Variants in VPS13D observed in about 807,000 individuals in gnomAD.
VPS13D encodes intermembrane lipid transfer protein VPS13D.
VPS13D carries 187 observed loss-of-function variants against 461.9 expected under a neutral mutation model. That is an observed-to-expected ratio of 0.40 (90% CI 0.36 to 0.46). The LOEUF (loss-of-function observed/expected upper bound fraction) is 0.46, where lower values mean the gene tolerates loss of function less well. Ranked by LOEUF, VPS13D falls within the 20% of genes least tolerant of loss-of-function variation. VPS13D has a pLI of 0.60. For synonymous variants in VPS13D, 1,951 were observed against 1,986.3 expected, an observed-to-expected ratio of 0.98 and a Z score of 0.47; for missense variants, 4,711 against 5,364.9, an observed-to-expected ratio of 0.88 and a Z score of 3.81.
At position 12,314,181 on chromosome 1, in the gene VPS13D, G is replaced by C; in HGVS notation, c.7002G>C (p.Leu2334Phe). The C allele has an allele frequency of 6.2e-7, 1 of 1,614,166 alleles. No individual in the cohort carries two copies. Among genetic ancestry groups the C allele is most frequent in the Non-Finnish European group, 8.5e-7 (1 of 1,180,026 alleles). Residue 2334 changes from leucine (L) to phenylalanine (F), a missense_variant, in exon 30 of 70, where the codon TTG becomes TTC. This residue lies in a region of VPS13D where 4,411 missense variants were observed against 4,937.8 expected (regional missense o/e 0.89). Transcript: ENST00000620676. ...CCAACCAAACCAAGTCCATTAACTTGGTTTCCCATTCCATGATGGCTTTTG... is the reference window on the plus strand; with the variant it reads ...CCAACCAAACCAAGTCCATTAACTTCGTTTCCCATTCCATGATGGCTTTTG... ...SFSNQTKSIN[L>F]VSHSMMAFDT... is the part of the protein sequence containing the mutation.
At chr1:12,353,417 C>G (rs1280917253) in intron 46 of VPS13D, among the ~76,000 whole-genome samples, 1 of 151,122 alleles carries the variant, frequency 6.6e-6, no homozygotes, top group Non-Finnish European at 1.5e-5. Flanking sequence ...CCTGTAGTCC[C>G]AGCTACTCGG....
In VPS13D at chr1:12,423,666, A is replaced by G. The variant is rs1644889552; in HGVS notation, c.12333+6839A>G. Among the ~76,000 whole-genome samples, 3 of 152,200 alleles carry G rather than the reference A, an allele frequency of 2.0e-5. No homozygotes were observed. In the South Asian group the frequency reaches 6.2e-4, roughly 32 times the overall value. On this transcript the variant is annotated intron_variant, in intron 65 of 69. Coordinates refer to ENST00000620676, the MANE Select transcript of VPS13D (RefSeq NM_015378.4). ...TTTCACCAGCCCTTTGTCCCAGGAC[A>G]CCAGATTTGGTGCCTAGCCATGATC...
intron 5 of VPS13D, 31 bp from the exon 6 acceptor site, chr1:12,249,192 A>G: frequency 1.3e-6 from 2 of 1,529,184 alleles, no homozygotes; most frequent in Non-Finnish European, 9.0e-7. Context: ...CTGCAGGTGC[A>G]TCAGCTGCTT....
In VPS13D at chr1:12,319,599, G is replaced by A. The variant is rs137928452; in HGVS notation, c.7517G>A (p.Arg2506His). Residue 2506 changes from arginine to histidine, a missense_variant, in exon 32 of 70, where the codon CGC (arginine) becomes CAC (histidine). Physicochemically the swap from Arg to His is conservative, Grantham distance 29 (BLOSUM62 0). Coordinates refer to ENST00000620676, the MANE Select transcript of VPS13D (RefSeq NM_015378.4). ...ACCTATAAGCCCCGGTTTGTTGATCGCCCCTTTTCAGGAAGTTTGTTTGGC... is the reference window on the plus strand; with the variant it reads ...ACCTATAAGCCCCGGTTTGTTGATCACCCCTTTTCAGGAAGTTTGTTTGGC... ...VLTYKPRFVD[R>H]PFSGSLFGIE... The A allele has an allele frequency of 3.2e-5, 52 of 1,614,158 alleles. No homozygotes were observed. The African/African-American group carries it at 4.7e-4, about 14-fold the overall frequency.
intron 67 of VPS13D, among the ~76,000 whole-genome samples, chr1:12,481,588 A>G (rs1352233078): frequency 6.6e-6 from 1 of 152,162 alleles, no homozygotes; most frequent in African/African-American, 2.4e-5. Flanking sequence ...AATGCACCTG[A>G]GGTGACCCCA....
At chr1:12,333,101 A>G (rs1643371196) in intron 37 of VPS13D, 125 bp from the exon 38 acceptor site, 6 of 1,173,836 alleles carry the variant, frequency 5.1e-6, no homozygotes, top group East Asian at 2.4e-5. Context: ...TTTTGTTGTG[A>G]AATTGAATTG....
intron 67 of VPS13D, among the ~76,000 whole-genome samples, chr1:12,480,540 C>T (rs1267986228): frequency 2.6e-5 from 4 of 152,164 alleles, no homozygotes; most frequent in African/African-American, 7.2e-5. Context: ...AGCTAACTTA[C>T]GATCTGGACT....
At chr1:12,441,274 A>C (rs918738004) in intron 65 of VPS13D, among the ~76,000 whole-genome samples, 10 of 152,148 alleles carry the variant, frequency 6.6e-5, no homozygotes, top group African/African-American at 2.4e-4. Context: ...CATTTGTATG[A>C]AATGGGGATG....
intron 59 of VPS13D, among the ~76,000 whole-genome samples, chr1:12,385,982 A>G (rs1183636871): frequency 2.6e-5 from 4 of 152,178 alleles, no homozygotes; most frequent in African/African-American, 9.7e-5. Flanking sequence ...GTTGGGGTGA[A>G]GGGTATGCCT....
At chr1:12,377,938 C>T (rs755763263) in intron 55 of VPS13D, among the ~76,000 whole-genome samples, 1 of 151,814 alleles carries the variant, frequency 6.6e-6, no homozygotes, top group Admixed American at 6.6e-5. Context: ...CAATATAGTA[C>T]GCTTTCCTTA....
At chr1:12,481,414 T>C (rs1484564606) in intron 67 of VPS13D, among the ~76,000 whole-genome samples, 1 of 152,168 alleles carries the variant, frequency 6.6e-6, no homozygotes, top group Non-Finnish European at 1.5e-5. Flanking sequence ...TTCTAACACA[T>C]TTTATATATA....
At chr1:12,391,987 A>G (rs758867993) in intron 60 of VPS13D, among the ~76,000 whole-genome samples, 8 of 151,988 alleles carry the variant, frequency 5.3e-5, no homozygotes, top group South Asian at 4.2e-4. Context: ...CAGCCTCCCA[A>G]GTAGCTGAGA....
chr1:12,493,283 C>A (rs1645910663), intron 67 of VPS13D, among the ~76,000 whole-genome samples: 2 of 151,250 alleles, frequency 1.3e-5, no homozygotes, highest in Admixed American at 1.3e-4. Flanking sequence ...GGTCAGGAGA[C>A]CATCGTGGCT....
intron 52 of VPS13D, among the ~76,000 whole-genome samples, chr1:12,366,834 A>G (rs1212907631): frequency 6.6e-6 from 1 of 152,238 alleles, no homozygotes; most frequent in African/African-American, 2.4e-5. Context: ...CTTCACATAC[A>G]TGAACACACA....
At position 12,266,936 on chromosome 1, in the gene VPS13D, C is replaced by A. The variant is rs1641290275; in HGVS notation, c.1650C>A (p.Val550=). The change falls in exon 14 of 70, where the codon GTC becomes GTA. Residue 550 remains valine (V), a synonymous_variant. Transcript: ENST00000620676. ...GAAGAAATTCCTCGTTGCTTTCAGT[C>A]CGGTTGGGTGGACTGTTTCTTCGAG... ...LPRRNSSLLS[V]RLGGLFLRDL... The A allele has an allele frequency of 1.9e-6, 3 of 1,609,688 alleles. No homozygotes were observed. Among genetic ancestry groups the A allele is most frequent in the Non-Finnish European group, 2.5e-6 (3 of 1,178,782 alleles).
In VPS13D at chr1:12,314,212, C is replaced by T. The variant is rs1642832127; in HGVS notation, c.7033C>T (p.Arg2345Cys). Reference sequence around the variant, plus strand: ...CCATTCCATGATGGCTTTTGACACCCGTTATGCTGGGCAGAAGACCAGCCC... The same window carrying T: ...CCATTCCATGATGGCTTTTGACACCTGTTATGCTGGGCAGAAGACCAGCCC... Reference protein sequence around the residue: ...VSHSMMAFDTRYAGQKTSPGM... With the variant: ...VSHSMMAFDTCYAGQKTSPGM... The change falls in exon 30 of 70, where the codon CGT becomes TGT. Residue 2345 changes from arginine to cysteine, a missense_variant. Coordinates refer to ENST00000620676, the MANE Select transcript of VPS13D (RefSeq NM_015378.4). The T allele has an allele frequency of 2.5e-6, 4 of 1,614,158 alleles. No individual in the cohort carries two copies. Among genetic ancestry groups the T allele is most frequent in the Non-Finnish European group, 3.4e-6 (4 of 1,180,028 alleles).
intron 37 of VPS13D, among the ~76,000 whole-genome samples, chr1:12,331,028 T>C (rs1569927569): frequency 6.6e-6 from 1 of 152,376 alleles, no homozygotes; most frequent in South Asian, 2.1e-4. Context: ...GGCTATTTTT[T>C]GGGAGACGTA....
intron 67 of VPS13D, among the ~76,000 whole-genome samples, chr1:12,487,861 T>C (rs1156581050): frequency 2.0e-5 from 3 of 152,242 alleles, no homozygotes; most frequent in Admixed American, 1.3e-4. Flanking sequence ...CCCTGAAATT[T>C]TTTTTTGAAA....
chr1:12,388,704 A>AGTTATTTAAAT (rs1644382386), intron 60 of VPS13D, among the ~76,000 whole-genome samples: 1 of 152,236 alleles, frequency 6.6e-6, no homozygotes, highest in Non-Finnish European at 1.5e-5. Flanking sequence ...ACCTAATGGT[A>AGTTATTTAAAT]TCAATTAACT....
Sources: gnomAD v4.1 joint callset for allele counts (sites outside exome capture counted in the v4.1 genomes callset) on GRCh38, gnomAD v4.1.1 for gene constraint, gnomAD v4.1.1 regional missense constraint, MANE v1.5 for transcripts, NCBI Gene and HGNC (gene_info 2026-07-23, HGNC 2026-07-21) for gene names.